The following ROBO2 variants were observed in gnomAD, a reference collection of about 807,000 sequenced individuals.
ROBO2 encodes the protein roundabout guidance receptor 2.
A neutral mutation model predicts 160.8 loss-of-function variants in ROBO2; 53 were observed. The observed-to-expected ratio is 0.33, with a 90% CI of 0.26 to 0.41. ROBO2 has a LOEUF of 0.41. Ranked by LOEUF, ROBO2 falls within the 10% of genes least tolerant of loss-of-function variation. The pLI, the probability that ROBO2 is intolerant of heterozygous loss-of-function variation, is 1.00. For synonymous variants in ROBO2, 664 were observed against 611.7 expected (o/e 1.09, Z -1.26); for missense variants, 1,577 against 1,722.4 (o/e 0.92, Z 1.49).
At chr3:76,172,248 T>C (rs1156772203) in intron 2 of ROBO2, among the ~76,000 whole-genome samples, 1 of 134,524 alleles carries the variant, frequency 7.4e-6, no homozygotes, top group Non-Finnish European at 1.6e-5. Context: ...TGAGAACACA[T>C]GGACACAGGA....
rs141770717 is a variant in ROBO2 at position 77,416,839 on chromosome 3, A to G, written c.389-60575A>G. ...GTTTTTAAGCAGGGCTTTGACACGTATTTAGAAAATAAGAGAAAAAATAAC... is the reference window on the plus strand; with the variant it reads ...GTTTTTAAGCAGGGCTTTGACACGTGTTTAGAAAATAAGAGAAAAAATAAC... On this transcript the variant is annotated intron_variant, in intron 2 of 25. Transcript: ENST00000461745. 2.1e-3 allele frequency among the ~76,000 whole-genome samples: 327 copies of G among 152,160 alleles called. 4 individuals are homozygous for G. The highest frequency in any genetic ancestry group is 7.4e-3 in the African/African-American group (305 of 41,496).
chr3:76,369,438 C>CT (rs1269153898), intron 2 of ROBO2, among the ~76,000 whole-genome samples: 4 of 151,918 alleles, frequency 2.6e-5, no homozygotes, highest in Admixed American at 1.3e-4. Context: ...GTGATGTCAT[C>CT]TTTGTTCACA....
rs1218293610 is a variant in ROBO2, at chr3:76,305,695, G to C, written c.109+368093G>C. Among the ~76,000 whole-genome samples, 3 of 151,634 alleles carry C rather than the reference G, an allele frequency of 2.0e-5. No individual in the cohort carries two copies. In the East Asian group the frequency reaches 5.8e-4, roughly 29 times the overall value. On this transcript the variant is annotated intron_variant, in intron 2 of 26. Transcript: ENST00000487694. ...AATTGCTTGAACCCAGGAGGCGGAG[G>C]TTGCAATGAGCTGAGACTGCACCAC... is the stretch of plus-strand genomic sequence containing the variant.
chr3:77,649,709 A>G (rs2095436048), exon 26 of ROBO2: 1 of 152,142 alleles, frequency 6.6e-6, no homozygotes, highest in South Asian at 2.1e-4. Flanking sequence ...TTTAAAAAGC[A>G]TTTGTTGTGA....
chr3:76,464,229 A>G (rs1369398187), intron 2 of ROBO2, among the ~76,000 whole-genome samples: 1 of 152,210 alleles, frequency 6.6e-6, no homozygotes, highest in East Asian at 1.9e-4. Context: ...TCATATCTAC[A>G]GGTTACTGAT....
rs528230347 is a variant in ROBO2, at chr3:76,461,253, C to T, written c.109+523651C>T. Among the ~76,000 whole-genome samples, 8 of 152,190 alleles carry T rather than the reference C, an allele frequency of 5.3e-5. No homozygotes were observed. The East Asian group carries it at 1.5e-3, about 29-fold the overall frequency. On this transcript the variant is annotated intron_variant, in intron 2 of 26. Coordinates refer to the ROBO2 transcript ENST00000487694. Reference sequence around the variant, plus strand: ...GAGGTGTCACATACTTTTAAACAGTCAGATCTCACAAGATCTCACTATCAT... The same window carrying T: ...GAGGTGTCACATACTTTTAAACAGTTAGATCTCACAAGATCTCACTATCAT...
intron 2 of ROBO2, among the ~76,000 whole-genome samples, chr3:76,963,776 G>T (rs1324851742): frequency 7.1e-6 from 1 of 140,654 alleles, no homozygotes; most frequent in African/African-American, 2.7e-5. Context: ...ATTTATAAAG[G>T]TATATGTAGA....
At chr3:77,287,254 CA>C (rs1031603995) in intron 2 of ROBO2, among the ~76,000 whole-genome samples, 1 of 151,838 alleles carries the variant, frequency 6.6e-6, no homozygotes, top group African/African-American at 2.4e-5. Context: ...TGTGCCCTTG[CA>C]AAAAAATCTT....
intron 2 of ROBO2, among the ~76,000 whole-genome samples, chr3:76,750,242 A>G (rs1244560231): frequency 6.6e-6 from 1 of 152,162 alleles, no homozygotes; most frequent in Non-Finnish European, 1.5e-5. Context: ...GACAAAATTC[A>G]ACAGTCCTTC....
intron 2 of ROBO2, among the ~76,000 whole-genome samples, chr3:76,406,210 T>G (rs1183513207): frequency 1.3e-5 from 2 of 151,894 alleles, no homozygotes; most frequent in Non-Finnish European, 2.9e-5. Flanking sequence ...ATATGAATTT[T>G]ACTCTCAGTA....
chr3:77,477,596 C>G, intron 3 of ROBO2, 25 bp downstream of exon 3: 1 of 1,606,898 alleles, frequency 6.2e-7, no homozygotes, highest in East Asian at 2.2e-5. Flanking sequence ...AATCATGGCC[C>G]AGAGAGATTG....
intron 2 of ROBO2, among the ~76,000 whole-genome samples, chr3:76,636,907 G>T (rs1275532724): frequency 1.3e-5 from 2 of 151,928 alleles, no homozygotes; most frequent in Admixed American, 1.3e-4. Context: ...CAGCCAGGGT[G>T]AGGGGAAGGA....
At chr3:76,137,562 CAA>C (rs375118588) in intron 2 of ROBO2, among the ~76,000 whole-genome samples, 11 of 150,510 alleles carry the variant, frequency 7.3e-5, no homozygotes, top group African/African-American at 2.4e-4. Flanking sequence ...GCTTCAGCCT[CAA>C]AGAGTAATGT....
intron 2 of ROBO2, among the ~76,000 whole-genome samples, chr3:76,797,322 T>C (rs1259751286): frequency 3.3e-5 from 5 of 152,096 alleles, no homozygotes; most frequent in Non-Finnish European, 4.4e-5. Context: ...AATTAAACAA[T>C]GTCCTCTTGA....
chr3:77,359,376 A>G (rs1321970126), intron 2 of ROBO2, among the ~76,000 whole-genome samples: 1 of 152,206 alleles, frequency 6.6e-6, no homozygotes, highest in Admixed American at 6.5e-5. Context: ...ACCATATAGC[A>G]TAAAACTGAA....
chr3:77,083,944 A>G (rs1006895873), intron 1 of ROBO2, among the ~76,000 whole-genome samples: 8 of 152,106 alleles, frequency 5.3e-5, no homozygotes, highest in African/African-American at 1.9e-4. Flanking sequence ...TTGTTGTCAT[A>G]GAGATAATAC....
chr3:77,138,280 GA>G (rs1317665036), intron 2 of ROBO2, among the ~76,000 whole-genome samples: 1 of 152,154 alleles, frequency 6.6e-6, no homozygotes, highest in Non-Finnish European at 1.5e-5. Flanking sequence ...TATAGTTTGT[GA>G]AAATACAATT....
rs2075238460 is a variant in ROBO2, at chr3:77,395,926, T to A, written c.389-81488T>A. 1.3e-5 allele frequency among the ~76,000 whole-genome samples: 2 copies of A among 152,018 alleles called. 1 individual carries two copies. The highest frequency in any genetic ancestry group is 4.1e-4 in the South Asian group (2 of 4,830). The stretch of plus-strand genomic sequence containing the variant: ...TAGAGAATTCAGACCTGCCCCCCTT[T>A]TTTTTTAACTTAATTGTGGAAGCAT... On this transcript the variant is annotated intron_variant, in intron 2 of 25. Coordinates refer to ENST00000461745, the Ensembl canonical transcript of ROBO2.
At chr3:76,303,655 T>C (rs901035650) in intron 2 of ROBO2, among the ~76,000 whole-genome samples, 10 of 152,172 alleles carry the variant, frequency 6.6e-5, no homozygotes, top group Admixed American at 6.6e-4. Flanking sequence ...CTCAGTTAAA[T>C]GTTTAAAAGC....
Sources: gnomAD v4.1 joint callset for allele counts (sites outside exome capture counted in the v4.1 genomes callset) on GRCh38, gnomAD v4.1.1 for gene constraint, MANE v1.5 for transcripts, NCBI Gene and HGNC (gene_info 2026-07-23, HGNC 2026-07-21) for gene names.